CLEC20A: variants seen among roughly 807,000 people sequenced by gnomAD.
The protein encoded by CLEC20A is C-type lectin domain containing 20A.
chr1:178,492,425 T>C (rs1649286817), intron 3 of CLEC20A, 76 bp downstream of exon 3: 1 of 398,410 alleles, frequency 2.5e-6, no homozygotes, highest in Non-Finnish European at 4.4e-6. Flanking sequence ...GAGATCCTGC[T>C]GGCTGGTCTT....
intron 1 of CLEC20A, chr1:178,496,625 G>A: frequency 2.6e-6 from 1 of 384,832 alleles, no homozygotes; most frequent in Non-Finnish European, 4.6e-6. Flanking sequence ...TCTCTTTGAG[G>A]AATGTCTTAG....
chr1:178,482,385 C>G, exon 7 of CLEC20A: 1 of 398,558 alleles, frequency 2.5e-6, no homozygotes. Context: ...TTTCAAGATT[C>G]CAAAAGGGTG....
At chr1:178,497,245 T>G, upstream of CLEC20A, 8 of 328,038 alleles carry the variant, frequency 2.4e-5, no homozygotes, top group Non-Finnish European at 3.3e-5. Flanking sequence ...AGTTTTTCTC[T>G]TACCTTCTCC....
rs765650783 is a variant in CLEC20A at position 178,487,498 on chromosome 1, A to G, written c.928+1003T>C. ...AGTCCTCACCCAGCCACGCACCCCC[A>G]CTCCACTTTGCAAGCTAAATCCTTC... On this transcript the variant is annotated intron_variant, in intron 5 of 7. Transcript: ENST00000623247. 7.4e-4 allele frequency among the ~76,000 whole-genome samples: 112 copies of G among 151,340 alleles called. 1 individual carries two copies. Among genetic ancestry groups the G allele is most frequent in the Non-Finnish European group, 2.5e-4 (17 of 67,830 alleles).
At chr1:178,485,630 T>C (rs961640310) in intron 5 of CLEC20A, among the ~76,000 whole-genome samples, 7 of 152,200 alleles carry the variant, frequency 4.6e-5, no homozygotes, top group African/African-American at 1.7e-4. Flanking sequence ...CCTGACTGTC[T>C]CCGTTAGTTC....
chr1:178,493,013 G>A (rs548212758), intron 2 of CLEC20A, among the ~76,000 whole-genome samples: 2 of 152,342 alleles, frequency 1.3e-5, no homozygotes, highest in African/African-American at 4.8e-5. Flanking sequence ...TTGTTTACAG[G>A]GAAGTGACCT....
At chr1:178,491,092 C>T (rs1041889216) in intron 3 of CLEC20A, among the ~76,000 whole-genome samples, 5 of 152,208 alleles carry the variant, frequency 3.3e-5, no homozygotes, top group Non-Finnish European at 1.5e-5. Flanking sequence ...GGAGCCCAGA[C>T]AGACTGAGAT....
chr1:178,482,910 C>T (rs1649028892), intron 6 of CLEC20A: 2 of 322,604 alleles, frequency 6.2e-6, no homozygotes, highest in South Asian at 3.1e-4. Context: ...ATTGGGTGCT[C>T]ACAACAACGC....
intron 3 of CLEC20A, among the ~76,000 whole-genome samples, chr1:178,490,913 G>A (rs1305480921): frequency 6.6e-6 from 1 of 152,208 alleles, no homozygotes; most frequent in African/African-American, 2.4e-5. Context: ...TTCTAGGGGC[G>A]GTGCCTGCCC....
At chr1:178,491,642 G>C (rs1649268314) in intron 3 of CLEC20A, among the ~76,000 whole-genome samples, 4 of 152,074 alleles carry the variant, frequency 2.6e-5, no homozygotes, top group Admixed American at 2.6e-4. Flanking sequence ...TCGAACATGG[G>C]AAGCCCACGC....
exon 3 of CLEC20A, chr1:178,492,557 A>G (rs2101875058): frequency 2.5e-6 from 1 of 398,502 alleles, no homozygotes; most frequent in Admixed American, 4.4e-5. Flanking sequence ...GAGGTGCCCG[A>G]CGTCAGGGTC....
At chr1:178,492,667 C>G (rs2101875248) in intron 2 of CLEC20A, 101 bp from the exon 3 acceptor site, 1 of 398,202 alleles carries the variant, frequency 2.5e-6, no homozygotes, top group African/African-American at 2.1e-5. Flanking sequence ...CAGGGGCAGA[C>G]AGGCTGGTCC....
At chr1:178,495,897 C>T (rs1009684636) in intron 1 of CLEC20A, 1 of 152,644 alleles carries the variant, frequency 6.6e-6, no homozygotes, top group Admixed American at 6.5e-5. Context: ...GAATGAAGGG[C>T]TTGGTGCTGG....
rs545084849 is a variant in CLEC20A at position 178,492,539 on chromosome 1, G to A, written c.425C>T (p.Thr142Met). 4.8e-5 allele frequency: 19 copies of A among 398,590 alleles called. No individual in the cohort carries two copies. In the South Asian group the frequency reaches 1.4e-3, roughly 29 times the overall value. The allele number at this position is 398,590 out of a possible 1,614,324, so 24.7% of individuals were successfully genotyped here. A position where few individuals can be genotyped will look rare whatever the true frequency, so the allele number is the denominator to read the frequency against. The change falls in exon 3 of 8, where the codon ACG becomes ATG. Residue 142 changes from threonine (T) to methionine (M), a missense_variant. Thr to Met is a moderately conservative substitution (Grantham distance 81). Coordinates refer to ENST00000623247, the Ensembl canonical transcript of CLEC20A. ...GGTGGTCAGGCTGAGAGAGGGCTTC[G>A]TGGAGATGAGGTGCCCGACGTCAGG...
chr1:178,498,028 C>A (rs899866096), upstream of CLEC20A, among the ~76,000 whole-genome samples: 6 of 152,106 alleles, frequency 3.9e-5, no homozygotes, highest in Admixed American at 6.5e-5. Context: ...ACCCCCTACC[C>A]CTCCTCACAG....
intron 5 of CLEC20A, chr1:178,486,987 G>A (rs1170231633): frequency 1.3e-5 from 5 of 395,342 alleles, no homozygotes; most frequent in Non-Finnish European, 2.2e-5. Context: ...GCTCCGGGCT[G>A]CCCCTCTGAG....
intron 7 of CLEC20A, 84 bp from the exon 8 acceptor site, chr1:178,479,699 C>G (rs758142948): frequency 3.8e-5 from 15 of 396,148 alleles, no homozygotes; most frequent in Admixed American, 3.1e-4. Context: ...ATCCGTATAC[C>G]CTTTATGCAT....
At chr1:178,497,407 G>A (rs536384692), upstream of CLEC20A, among the ~76,000 whole-genome samples, 1 of 152,230 alleles carries the variant, frequency 6.6e-6, no homozygotes, top group South Asian at 2.1e-4. Flanking sequence ...ATGATCTGAA[G>A]GGATCATCGT....
rs1157028780 is a variant in CLEC20A at position 178,483,165 on chromosome 1, AAGC to A, written c.1036+7_1036+9del. ...GTAAGAGTAGGAACTTGGTAGACAG[AAGC>A]AGTTACCTGATTTTTGTGCTGATGT... On this transcript the variant is annotated splice_region_variant and intron_variant, in intron 6 of 7. Coordinates refer to ENST00000623247, the Ensembl canonical transcript of CLEC20A. 2.5e-6 allele frequency: 1 copy of A among 398,512 alleles called. No homozygotes were observed. Among genetic ancestry groups the A allele is most frequent in the Admixed American group, 4.4e-5 (1 of 22,718 alleles). The allele number at this position is 398,512 out of a possible 1,614,324, so 24.7% of individuals were successfully genotyped here.
Sources: gnomAD v4.1 joint callset for allele counts (sites outside exome capture counted in the v4.1 genomes callset) on GRCh38, gnomAD v4.1.1 for gene constraint, MANE v1.5 for transcripts, NCBI Gene and HGNC (gene_info 2026-07-23, HGNC 2026-07-21) for gene names.